Variants in GFRA2 observed in about 807,000 individuals in gnomAD.
GFRA2 encodes GDNF family receptor alpha-2.
Under a neutral mutation model 48.3 loss-of-function variants are expected in GFRA2, and 17 were observed. That is an observed-to-expected ratio of 0.35 (90% CI 0.24 to 0.53). The LOEUF is 0.53. GFRA2 is among the 20% of genes least tolerant of loss of function. The probability of loss-of-function intolerance (pLI) is 0.93; values close to 1 mark genes in which losing one functional copy is unlikely to be tolerated. For missense variants in GFRA2, 660 were observed against 637.3 expected, an observed-to-expected ratio of 1.04 and a Z score of -0.38; for synonymous variants, 305 against 257.2, an observed-to-expected ratio of 1.19 and a Z score of -1.78.
intron 4 of GFRA2, among the ~76,000 whole-genome samples, chr8:21,708,467 G>T (rs1217351153): frequency 1.3e-5 from 2 of 152,208 alleles, no homozygotes; most frequent in Admixed American, 1.3e-4. Flanking sequence ...TTAACAGGTA[G>T]ATGGGATTTA....
chr8:21,800,676 G>C (rs1450049818), intron 2 of GFRA2, among the ~76,000 whole-genome samples: 1 of 152,246 alleles, frequency 6.6e-6, no homozygotes, highest in Admixed American at 6.5e-5. Context: ...TGTAATCCCA[G>C]TATTTTGGGA....
intron 4 of GFRA2, among the ~76,000 whole-genome samples, chr8:21,737,767 C>T (rs1346060242): frequency 1.3e-5 from 2 of 152,174 alleles, no homozygotes; most frequent in Non-Finnish European, 2.9e-5. Flanking sequence ...GCTCTCCCAG[C>T]CTCACAGCTT....
chr8:21,713,944 T>G lies in GFRA2; in HGVS notation c.795-7903A>C, dbSNP rs534791042. Among the ~76,000 whole-genome samples, 40 of 152,228 alleles carry G rather than the reference T, an allele frequency of 2.6e-4. 1 individual carries two copies. The highest frequency in any genetic ancestry group is 9.2e-4 in the African/African-American group (38 of 41,528). ...CTTACCCATAAAAAAAAGCAGTGCTTTGCGCCACAGCCAGAGAAAGCCCAC... is the reference window on the plus strand; with the variant it reads ...CTTACCCATAAAAAAAAGCAGTGCTGTGCGCCACAGCCAGAGAAAGCCCAC... On this transcript the variant is annotated intron_variant, in intron 4 of 8. Coordinates refer to ENST00000524240, the MANE Select transcript of GFRA2 (RefSeq NM_001495.5).
chr8:21,735,640 AT>A, intron 4 of GFRA2, among the ~76,000 whole-genome samples: 1 of 152,234 alleles, frequency 6.6e-6, no homozygotes, highest in East Asian at 1.9e-4. Flanking sequence ...AAACAACAAT[AT>A]AGCCAGGTGC....
At chr8:21,711,851 T>G (rs1366673711) in intron 4 of GFRA2, among the ~76,000 whole-genome samples, 1 of 152,158 alleles carries the variant, frequency 6.6e-6, no homozygotes, top group African/African-American at 2.4e-5. Flanking sequence ...TTTGTGTCCC[T>G]GGGTACTTGA....
chr8:21,791,200 C>T (rs1261201779), upstream of GFRA2, among the ~76,000 whole-genome samples: 1 of 152,184 alleles, frequency 6.6e-6, no homozygotes, highest in Non-Finnish European at 1.5e-5. Flanking sequence ...CCCCTCCCAC[C>T]TATCCAGAAA....
intron 8 of GFRA2, 47 bp from the exon 9 acceptor site, chr8:21,693,447 A>G (rs1342667892): frequency 6.4e-7 from 1 of 1,554,996 alleles, no homozygotes; most frequent in Non-Finnish European, 8.7e-7. Context: ...GAATGAAAAC[A>G]AAGAAAACAG....
intron 4 of GFRA2, among the ~76,000 whole-genome samples, chr8:21,745,533 C>T (rs1345257732): frequency 1.3e-5 from 2 of 152,256 alleles, no homozygotes; most frequent in Admixed American, 1.3e-4. Flanking sequence ...TGCAAACACC[C>T]TGGCATTGGG....
intron 4 of GFRA2, among the ~76,000 whole-genome samples, chr8:21,734,316 C>T (rs1804345230): frequency 1.3e-5 from 2 of 152,258 alleles, no homozygotes; most frequent in African/African-American, 2.4e-5. Context: ...GGGCTCCACA[C>T]GTATCCAAGC....
intron 3 of GFRA2, among the ~76,000 whole-genome samples, chr8:21,754,323 A>G (rs1805446617): frequency 6.6e-6 from 1 of 152,064 alleles, no homozygotes; most frequent in East Asian, 1.9e-4. Context: ...TGTCTATTTT[A>G]CAGTAAGTGC....
upstream of GFRA2, chr8:21,789,945 C>T (rs1807512335): frequency 4.8e-6 from 2 of 420,310 alleles, no homozygotes; most frequent in East Asian, 1.6e-4. Context: ...GCTCCGCAGC[C>T]GGCTGGGCTC....
chr8:21,810,837 C>T (rs536601367), intron 1 of GFRA2, among the ~76,000 whole-genome samples: 1 of 152,260 alleles, frequency 6.6e-6, no homozygotes, highest in South Asian at 2.1e-4. Flanking sequence ...ACTTGGTGGG[C>T]TGCAGAGGAG....
At chr8:21,773,831 C>T (rs1806556115) in intron 3 of GFRA2, among the ~76,000 whole-genome samples, 1 of 152,188 alleles carries the variant, frequency 6.6e-6, no homozygotes, top group Admixed American at 6.5e-5. Flanking sequence ...CCCCAGGGGA[C>T]ATCTGGCCCT....
intron 3 of GFRA2, among the ~76,000 whole-genome samples, chr8:21,758,270 G>A (rs578097470): frequency 1.8e-4 from 28 of 152,018 alleles, no homozygotes; most frequent in East Asian, 9.7e-4. Flanking sequence ...CTTCACAGAC[G>A]GTGGTCTGTG....
At chr8:21,794,774 G>A (rs913577339) in intron 2 of GFRA2, among the ~76,000 whole-genome samples, 1 of 152,096 alleles carries the variant, frequency 6.6e-6, no homozygotes, top group Non-Finnish European at 1.5e-5. Context: ...CCACACTCCA[G>A]ATTCCAGAGT....
intron 3 of GFRA2, among the ~76,000 whole-genome samples, chr8:21,757,506 C>CTTTTTTTTTTTTTT (rs5889999): frequency 0.03 from 4,313 of 145,066 alleles, 325 homozygotes; most frequent in African/African-American, 0.098. Context: ...TTCCTTAATC[C>CTTTTTTTTTTTTTT]TTTTTTTTGA....
chr8:21,731,329 G>C (rs1804181431), intron 4 of GFRA2, among the ~76,000 whole-genome samples: 1 of 152,146 alleles, frequency 6.6e-6, no homozygotes, highest in South Asian at 2.1e-4. Context: ...ACCAAGGAGA[G>C]CTGAGAACGA....
intron 2 of GFRA2, among the ~76,000 whole-genome samples, chr8:21,794,233 CTTTTT>C (rs1159236794): frequency 3.0e-5 from 2 of 66,958 alleles, no homozygotes; most frequent in Admixed American, 1.9e-4. Flanking sequence ...CTGAGAGTGA[CTTTTT>C]TTTTTTTTTT....
At chr8:21,704,446 A>G (rs771526916) in intron 6 of GFRA2, among the ~76,000 whole-genome samples, 31 of 152,126 alleles carry the variant, frequency 2.0e-4, no homozygotes, top group Non-Finnish European at 3.8e-4. Flanking sequence ...GAGAGGGAGG[A>G]ACAGAAGGAT....
Sources: allele counts gnomAD v4.1 joint callset (sites outside exome capture counted in the v4.1 genomes callset), GRCh38; gene constraint gnomAD v4.1.1; transcripts MANE v1.5; gene names NCBI Gene and HGNC (gene_info 2026-07-23, HGNC 2026-07-21).